RP1: variants seen among roughly 807,000 people sequenced by gnomAD.
The protein encoded by RP1 is oxygen-regulated protein 1.
RP1 carries 16 observed loss-of-function variants against 14.8 expected under a neutral mutation model. That is an observed-to-expected ratio of 1.08 (90% confidence interval 0.73 to 1.65). The LOEUF (loss-of-function observed/expected upper bound fraction) is 1.65. Ranked by LOEUF, RP1 falls within the 40% of genes most tolerant of loss-of-function variation. The pLI is 0.00. For synonymous variants in RP1, 876 were observed against 883.6 expected (o/e 0.99, Z 0.15); for missense variants, 2,631 against 2,535.0 (o/e 1.04, Z -0.81).
intron 23 of RP1, among the ~76,000 whole-genome samples, chr8:54,782,973 C>T (rs903853470): frequency 6.6e-6 from 1 of 152,050 alleles, no homozygotes; most frequent in Non-Finnish European, 1.5e-5. Context: ...TTGCCAAGAC[C>T]TATTTATGCA....
chr8:54,826,411 G>A (rs2129399149), intron 24 of RP1, among the ~76,000 whole-genome samples: 1 of 152,304 alleles, frequency 6.6e-6, no homozygotes, highest in Non-Finnish European at 1.5e-5. Flanking sequence ...AACCACAGAA[G>A]TCTATGCATA....
chr8:54,839,152 G>T (rs1811734244), intron 25 of RP1, among the ~76,000 whole-genome samples: 1 of 152,010 alleles, frequency 6.6e-6, no homozygotes, highest in Admixed American at 6.6e-5. Flanking sequence ...GGCCCTACTT[G>T]GTCATTTTGC....
intron 1 of RP1, among the ~76,000 whole-genome samples, chr8:54,602,672 A>G (rs375417212): frequency 6.6e-6 from 1 of 152,136 alleles, no homozygotes; most frequent in East Asian, 1.9e-4. Context: ...AAGTGTTCCT[A>G]TTTCTCCACA....
intron 24 of RP1, among the ~76,000 whole-genome samples, chr8:54,785,066 A>G (rs893659964): frequency 5.9e-5 from 9 of 152,120 alleles, no homozygotes; most frequent in Non-Finnish European, 1.3e-4. Flanking sequence ...AAGTGTATAA[A>G]GTGTACAATC....
intron 12 of RP1, among the ~76,000 whole-genome samples, chr8:54,680,098 A>C (rs1807393332): frequency 1.3e-5 from 2 of 152,210 alleles, no homozygotes; most frequent in Admixed American, 1.3e-4. Context: ...AGAAATGATA[A>C]ATAGATGACA....
chr8:54,672,575 T>C (rs550559009), intron 7 of RP1, among the ~76,000 whole-genome samples: 1 of 152,344 alleles, frequency 6.6e-6, no homozygotes, highest in East Asian at 1.9e-4. Flanking sequence ...GCCTGGAGCT[T>C]CCTAATCTGC....
chr8:54,727,402 C>G (rs1216322769), intron 17 of RP1, among the ~76,000 whole-genome samples: 1 of 152,038 alleles, frequency 6.6e-6, no homozygotes, highest in African/African-American at 2.4e-5. Flanking sequence ...GTATCTAAAT[C>G]AGGGATGGCC....
intron 28 of RP1, among the ~76,000 whole-genome samples, chr8:54,867,198 AC>A (rs1244032737): frequency 9.9e-5 from 15 of 152,170 alleles, no homozygotes; most frequent in African/African-American, 3.6e-4. Flanking sequence ...ACTGGATTTT[AC>A]CTTACTATAG....
intron 1 of RP1, among the ~76,000 whole-genome samples, chr8:54,577,925 A>G (rs1230263281): frequency 6.6e-6 from 1 of 150,630 alleles, no homozygotes; most frequent in Admixed American, 6.8e-5. Flanking sequence ...AGAGGAGGAG[A>G]TGAAAGCATG....
downstream of RP1, chr8:54,630,978 T>G: frequency 5.8e-6 from 2 of 345,614 alleles, no homozygotes; most frequent in Non-Finnish European, 8.2e-6. Flanking sequence ...TCCCAGGAGT[T>G]AACCAGGAAA....
chr8:54,562,699 A>G (rs913613913), intron 1 of RP1, among the ~76,000 whole-genome samples: 2 of 152,162 alleles, frequency 1.3e-5, no homozygotes, highest in Non-Finnish European at 2.9e-5. Context: ...CTTTTAAGTA[A>G]TATTAGGATA....
At chr8:54,847,017 T>C (rs1290993821) in intron 25 of RP1, among the ~76,000 whole-genome samples, 1 of 152,192 alleles carries the variant, frequency 6.6e-6, no homozygotes, top group Non-Finnish European at 1.5e-5. Context: ...CTCTGTTGCC[T>C]TTCCTCTCCT....
chr8:54,832,213 A>G (rs1355724588), intron 24 of RP1, among the ~76,000 whole-genome samples: 1 of 151,698 alleles, frequency 6.6e-6, no homozygotes, highest in Non-Finnish European at 1.5e-5. Flanking sequence ...ATTTCAATAA[A>G]TATTTAAGTA....
intron 25 of RP1, among the ~76,000 whole-genome samples, chr8:54,852,372 G>C (rs1397991292): frequency 6.6e-6 from 1 of 152,056 alleles, no homozygotes; most frequent in East Asian, 1.9e-4. Context: ...AGTAGTTCTG[G>C]GAATAGCTGA....
intron 1 of RP1, among the ~76,000 whole-genome samples, chr8:54,593,541 T>C (rs769604432): frequency 2.6e-4 from 40 of 152,188 alleles, no homozygotes; most frequent in Non-Finnish European, 5.0e-4. Flanking sequence ...AGCAATTTAT[T>C]TGGTAATCAC....
At chr8:54,728,813 A>G (rs1199351724) in intron 17 of RP1, among the ~76,000 whole-genome samples, 1 of 152,102 alleles carries the variant, frequency 6.6e-6, no homozygotes, top group Non-Finnish European at 1.5e-5. Context: ...TCTTTTTATT[A>G]TGGAAAATTT....
At chr8:54,643,596 T>G (rs1806492128) in intron 3 of RP1, among the ~76,000 whole-genome samples, 1 of 152,210 alleles carries the variant, frequency 6.6e-6, no homozygotes, top group Admixed American at 6.5e-5. Flanking sequence ...TCACCTCTTG[T>G]TTGCTGGGGC....
intron 1 of RP1, among the ~76,000 whole-genome samples, chr8:54,576,557 G>A (rs1804669204): frequency 6.6e-6 from 1 of 152,328 alleles, no homozygotes; most frequent in African/African-American, 2.4e-5. Context: ...GTCATGTAAC[G>A]TGGATGATGC....
Position 54,630,461 on chromosome 8 carries a change from A to T in RP1, c.*108A>T, listed in dbSNP as rs895109250. On this transcript the variant is annotated 3_prime_UTR_variant, in exon 4 of 4. Transcript: ENST00000220676. ...CCTCTAAGAATTTTCCACTTCTTCA[A>T]AATGAACTTACTCTAGAAAGCTTAC... 6.5e-7 allele frequency: 1 copy of T among 1,531,356 alleles called. No individual in the cohort carries two copies. The highest frequency in any genetic ancestry group is 8.8e-7 in the Non-Finnish European group (1 of 1,141,116). The allele number at this position is 1,531,356 out of a possible 1,614,324, so 94.9% of individuals were successfully genotyped here. A position where few individuals can be genotyped will look rare whatever the true frequency, so the allele number is the denominator to read the frequency against.
Sources: gnomAD v4.1 joint callset for allele counts (sites outside exome capture counted in the v4.1 genomes callset) on GRCh38, gnomAD v4.1.1 for gene constraint, MANE v1.5 for transcripts, NCBI Gene and HGNC (gene_info 2026-07-23, HGNC 2026-07-21) for gene names.